CHTOP: variants seen among roughly 807,000 people sequenced by gnomAD.
CHTOP encodes chromatin target of PRMT1 protein.
In CHTOP, 18 loss-of-function variants were observed where a neutral mutation model predicts 33.6. That is an observed-to-expected ratio of 0.54 (90% CI 0.37 to 0.80). The LOEUF is 0.80. Among genes scored for constraint, CHTOP ranks in the 30% least tolerant of loss-of-function variants. CHTOP has a pLI of 0.00. For missense variants in CHTOP, 263 were observed against 336.8 expected, an observed-to-expected ratio of 0.78 and a Z score of 1.71; for synonymous variants, 117 against 127.7, an observed-to-expected ratio of 0.92 and a Z score of 0.56.
At chr1:153,641,296 C>G (rs1324054789) in intron 3 of CHTOP, among the ~76,000 whole-genome samples, 1 of 152,236 alleles carries the variant, frequency 6.6e-6, no homozygotes, top group East Asian at 1.9e-4. Flanking sequence ...GCTTTATGGA[C>G]AGCCAGGCTT....
intron 4 of CHTOP, chr1:153,642,773 G>C: frequency 8.9e-6 from 2 of 223,600 alleles, no homozygotes; most frequent in Non-Finnish European, 1.8e-5. Context: ...ATATCTCTTT[G>C]TTCCTGGTGC....
intron 5 of CHTOP, among the ~76,000 whole-genome samples, chr1:153,644,725 T>G (rs886198271): frequency 6.6e-6 from 1 of 152,256 alleles, no homozygotes; most frequent in Non-Finnish European, 1.5e-5. Context: ...GTATTTTAAT[T>G]ATGAACTTAG....
chr1:153,645,346 A>G lies in CHTOP; in HGVS notation c.*77A>G, dbSNP rs1668775729. 7.1e-7 allele frequency: 1 copy of G among 1,409,240 alleles called. No individual in the cohort carries two copies. The highest frequency in any genetic ancestry group is 9.8e-7 in the Non-Finnish European group (1 of 1,018,092). 87.3% of individuals were successfully genotyped at this position (1,409,240 alleles called of 1,614,324 possible). ...TAACCTTGAGATAACAGATGAGAAG[A>G]AATCTGATTGATGCTGGATGGACCT... On this transcript the variant is annotated 3_prime_UTR_variant, in exon 6 of 6. Coordinates refer to ENST00000368694, the MANE Select transcript of CHTOP (RefSeq NM_015607.4).
chr1:153,640,686 G>C (rs1175479455), intron 3 of CHTOP, among the ~76,000 whole-genome samples: 2 of 152,180 alleles, frequency 1.3e-5, no homozygotes, highest in African/African-American at 4.8e-5. Flanking sequence ...CAGGAGAATT[G>C]TTTGAACCTG....
intron 1 of CHTOP, among the ~76,000 whole-genome samples, chr1:153,634,828 G>GTATATA (rs948151070): frequency 6.7e-6 from 1 of 148,946 alleles, no homozygotes; most frequent in Non-Finnish European, 1.5e-5. Flanking sequence ...ATATATATAT[G>GTATATA]TATATATATA....
intron 4 of CHTOP, 44 bp downstream of exon 4, chr1:153,642,473 C>T (rs1372386783): frequency 2.9e-5 from 43 of 1,501,334 alleles, no homozygotes; most frequent in Non-Finnish European, 3.9e-5. Flanking sequence ...CTACTCCCTT[C>T]CCTTTTCTCT....
Position 153,643,360 on chromosome 1 carries a change from T to G in CHTOP, c.537T>G (p.Gly179=), listed in dbSNP as rs1431522027. Residue 179 remains glycine (G), a synonymous_variant, in exon 5 of 6, where the codon GGT becomes GGG. Coordinates refer to ENST00000368694, the MANE Select transcript of CHTOP (RefSeq NM_015607.4). ...RGAMGRGGIG[G]RGRGMIGRGR... ...CTATGGGTCGTGGCGGAATCGGTGG[T>G]AGAGGTTAGTCAGCTACCAACTTCA... The G allele has an allele frequency of 6.4e-7, 1 of 1,556,150 alleles. No homozygotes were observed. Among genetic ancestry groups the G allele is most frequent in the Non-Finnish European group, 8.7e-7 (1 of 1,154,992 alleles).
At chr1:153,636,790 A>T in intron 2 of CHTOP, 137 bp downstream of exon 2, 1 of 675,760 alleles carries the variant, frequency 1.5e-6, no homozygotes, top group Non-Finnish European at 2.6e-6. Flanking sequence ...GTTGCATCTC[A>T]TGTGGTACAC....
chr1:153,636,083 C>T (rs545786627), intron 1 of CHTOP, among the ~76,000 whole-genome samples: 6 of 131,732 alleles, frequency 4.6e-5, no homozygotes, highest in Admixed American at 3.6e-4. Context: ...CACCATGCAC[C>T]GCTAATTTTT....
At chr1:153,636,493 A>G in intron 1 of CHTOP, 79 bp from the exon 2 acceptor site, 1 of 1,145,026 alleles carries the variant, frequency 8.7e-7, no homozygotes. Context: ...CTTTTTATTT[A>G]TTTTTGGCTT....
At chr1:153,636,058 A>G (rs1364550868) in intron 1 of CHTOP, among the ~76,000 whole-genome samples, 2 of 150,874 alleles carry the variant, frequency 1.3e-5, no homozygotes, top group Non-Finnish European at 2.9e-5. Context: ...AGTAGCTAGG[A>G]CAACAGGTGC....
intron 3 of CHTOP, among the ~76,000 whole-genome samples, chr1:153,638,904 G>A (rs1183222515): frequency 4.7e-5 from 7 of 147,420 alleles, no homozygotes; most frequent in Non-Finnish European, 8.9e-5. Context: ...TTTTTTAGAC[G>A]GAGTCTTGCT....
intron 3 of CHTOP, among the ~76,000 whole-genome samples, chr1:153,641,501 G>C (rs1668623387): frequency 6.6e-6 from 1 of 152,162 alleles, no homozygotes; most frequent in South Asian, 2.1e-4. Context: ...CATACGTTTG[G>C]CTGGCTGACT....
intron 1 of CHTOP, among the ~76,000 whole-genome samples, chr1:153,635,637 G>A (rs967773591): frequency 5.9e-5 from 9 of 151,766 alleles, no homozygotes; most frequent in East Asian, 2.0e-4. Context: ...CCTGGCCAAC[G>A]TGGAGAAACC....
chr1:153,636,327 T>A (rs1056193055), intron 1 of CHTOP, among the ~76,000 whole-genome samples: 2 of 145,436 alleles, frequency 1.4e-5, no homozygotes, highest in Non-Finnish European at 3.0e-5. Context: ...GAGGCCAAGG[T>A]GGGAAAATCC....
intron 3 of CHTOP, chr1:153,639,509 C>T (rs889848131): frequency 4.9e-6 from 2 of 409,384 alleles, no homozygotes; most frequent in Non-Finnish European, 6.6e-6. Flanking sequence ...AAATATAACA[C>T]CCTTACACCC....
At chr1:153,636,838 G>C in intron 2 of CHTOP, 185 bp downstream of exon 2, 1 of 569,392 alleles carries the variant, frequency 1.8e-6, no homozygotes, top group South Asian at 2.4e-5. Flanking sequence ...CCCCTTATCA[G>C]TAGACTTTTA....
rs2101696688 is a variant in CHTOP, at chr1:153,645,160, A to G, written c.638A>G (p.Lys213Arg). 1 of 1,614,222 alleles carries G rather than the reference A, an allele frequency of 6.2e-7. No homozygotes were observed. The highest frequency in any genetic ancestry group is 2.2e-5 in the East Asian group (1 of 44,880). ...RGALARPVLT[K>R]EQLDNQLDAY... is the part of the protein sequence containing the mutation. ...GCCCTTGCTCGCCCTGTATTGACCA[A>G]GGAGCAGCTGGACAACCAATTGGAT... is the stretch of plus-strand genomic sequence containing the variant. Residue 213 changes from lysine to arginine, a missense_variant, in exon 6 of 6, where the codon AAG (lysine) becomes AGG (arginine). Transcript: ENST00000368694.
chr1:153,640,012 G>A (rs1668562712), intron 3 of CHTOP, among the ~76,000 whole-genome samples: 1 of 152,028 alleles, frequency 6.6e-6, no homozygotes, highest in African/African-American at 2.4e-5. Context: ...GACCTCAAGT[G>A]ATCTGCCTGC....
Sources: gnomAD v4.1 joint callset for allele counts (sites outside exome capture counted in the v4.1 genomes callset) on GRCh38, gnomAD v4.1.1 for gene constraint, MANE v1.5 for transcripts, NCBI Gene and HGNC (gene_info 2026-07-23, HGNC 2026-07-21) for gene names.